STX8: variants seen among roughly 807,000 people sequenced by gnomAD.
The protein encoded by STX8 is syntaxin-8.
Under a neutral mutation model 37.5 loss-of-function variants are expected in STX8, and 23 were observed. The ratio of observed to expected loss-of-function variants is 0.61; its 90% CI spans 0.44 to 0.87. STX8 has a LOEUF of 0.87. STX8 is among the 40% of genes least tolerant of loss of function. The pLI is 0.00. For missense variants in STX8, 313 were observed against 284.7 expected, an observed-to-expected ratio of 1.10 and a Z score of -0.71; for synonymous variants, 115 against 99.1, an observed-to-expected ratio of 1.16 and a Z score of -0.95.
intron 4 of STX8, among the ~76,000 whole-genome samples, chr17:9,513,639 G>A (rs1905088444): frequency 6.6e-6 from 1 of 152,150 alleles, no homozygotes; most frequent in African/African-American, 2.4e-5. Flanking sequence ...TATAACTAGA[G>A]CTACCATATG....
intron 7 of STX8, among the ~76,000 whole-genome samples, chr17:9,254,750 A>G (rs1041954588): frequency 2.6e-5 from 4 of 152,152 alleles, no homozygotes; most frequent in South Asian, 2.1e-4. Flanking sequence ...ACACATGAAC[A>G]TCTACACCAG....
intron 7 of STX8, among the ~76,000 whole-genome samples, chr17:9,358,789 C>A (rs1212754939): frequency 6.6e-6 from 1 of 152,000 alleles, no homozygotes; most frequent in East Asian, 1.9e-4. Flanking sequence ...GGGAGGAAGA[C>A]TGGAACTGAG....
chr17:9,474,124 T>G (rs959134857), intron 6 of STX8, among the ~76,000 whole-genome samples: 1 of 152,124 alleles, frequency 6.6e-6, no homozygotes, highest in African/African-American at 2.4e-5. Flanking sequence ...ATCAGTGTGC[T>G]GGGGCAGGAG....
chr17:9,442,937 T>A (rs1245873690), intron 6 of STX8, among the ~76,000 whole-genome samples: 1 of 152,162 alleles, frequency 6.6e-6, no homozygotes, highest in Non-Finnish European at 1.5e-5. Flanking sequence ...ATGATAATGT[T>A]AATATGGCCT....
In STX8 at chr17:9,558,686, G is replaced by C. The variant is rs991820250; in HGVS notation, c.118-1158C>G. Among the ~76,000 whole-genome samples the C allele has an allele frequency of 2.0e-5, 3 of 152,196 alleles. No individual in the cohort carries two copies. The South Asian group carries it at 6.2e-4, about 31-fold the overall frequency. The stretch of plus-strand genomic sequence containing the variant: ...AAAATACAAAAAATTAGCTGGGCGC[G>C]GTGGCGGGCGCCTGTAGTCCCAGCT... On this transcript the variant is annotated intron_variant, in intron 2 of 7. Coordinates refer to ENST00000306357, the MANE Select transcript of STX8 (RefSeq NM_004853.3).
intron 4 of STX8, among the ~76,000 whole-genome samples, chr17:9,527,733 T>A (rs1433118312): frequency 6.6e-6 from 1 of 152,182 alleles, no homozygotes; most frequent in East Asian, 1.9e-4. Flanking sequence ...TAACGCCCAC[T>A]GACAGCTAAG....
At chr17:9,398,485 G>A (rs1912487024) in intron 6 of STX8, among the ~76,000 whole-genome samples, 1 of 152,128 alleles carries the variant, frequency 6.6e-6, no homozygotes, top group African/African-American at 2.4e-5. Flanking sequence ...AGGAGATGGA[G>A]CAACTAAATA....
At chr17:9,458,172 T>G (rs557942102) in intron 6 of STX8, among the ~76,000 whole-genome samples, 32 of 152,212 alleles carry the variant, frequency 2.1e-4, no homozygotes, top group Non-Finnish European at 3.2e-4. Flanking sequence ...TTTTTTGAGA[T>G]GGAGTCTCGC....
intron 6 of STX8, among the ~76,000 whole-genome samples, chr17:9,473,409 T>A (rs1483870915): frequency 6.6e-6 from 1 of 152,180 alleles, no homozygotes; most frequent in Non-Finnish European, 1.5e-5. Context: ...TCCCTTGGTA[T>A]CTTGCGGGAT....
At chr17:9,405,362 T>C (rs559882515) in intron 6 of STX8, among the ~76,000 whole-genome samples, 2 of 152,188 alleles carry the variant, frequency 1.3e-5, no homozygotes, top group African/African-American at 2.4e-5. Flanking sequence ...TGAATGGCCA[T>C]GGGCATTGTC....
chr17:9,338,422 C>T (rs564938815), intron 7 of STX8, among the ~76,000 whole-genome samples: 8 of 152,260 alleles, frequency 5.3e-5, no homozygotes, highest in South Asian at 2.1e-4. Context: ...TGCTTCAGCT[C>T]ATTCCACTCC....
intron 7 of STX8, among the ~76,000 whole-genome samples, chr17:9,278,388 G>A (rs145663030): frequency 6.6e-6 from 1 of 152,204 alleles, no homozygotes; most frequent in Non-Finnish European, 1.5e-5. Flanking sequence ...GGCGGAGGTT[G>A]CGATGAGCTG....
intron 6 of STX8, among the ~76,000 whole-genome samples, chr17:9,452,877 G>A (rs1172348961): frequency 1.3e-5 from 2 of 151,686 alleles, no homozygotes; most frequent in African/African-American, 4.8e-5. Flanking sequence ...CGTGATCTCG[G>A]CTCACTGCAA....
At chr17:9,375,412 A>G (rs1911548036) in intron 7 of STX8, among the ~76,000 whole-genome samples, 1 of 152,202 alleles carries the variant, frequency 6.6e-6, no homozygotes, top group South Asian at 2.1e-4. Context: ...CAGTGTAAGA[A>G]ATATTCCACA....
At chr17:9,519,667 G>A (rs964110282) in intron 4 of STX8, among the ~76,000 whole-genome samples, 2 of 151,996 alleles carry the variant, frequency 1.3e-5, no homozygotes, top group Admixed American at 6.6e-5. Context: ...ACATGGCTAC[G>A]ATCTCTCTAC....
intron 4 of STX8, among the ~76,000 whole-genome samples, chr17:9,532,881 A>G (rs910157735): frequency 1.3e-5 from 2 of 152,202 alleles, no homozygotes; most frequent in Non-Finnish European, 2.9e-5. Flanking sequence ...ATCGTCTTCA[A>G]TATATACTGT....
chr17:9,442,496 T>C (rs1289733800), intron 6 of STX8, among the ~76,000 whole-genome samples: 1 of 152,214 alleles, frequency 6.6e-6, no homozygotes, highest in East Asian at 1.9e-4. Flanking sequence ...AACCTCCGCC[T>C]CCTGGGTTCC....
chr17:9,557,652 C>A (rs901095627), intron 2 of STX8, 124 bp from the exon 3 acceptor site: 4 of 781,350 alleles, frequency 5.1e-6, no homozygotes, highest in Non-Finnish European at 8.4e-6. Flanking sequence ...GAGATAGATA[C>A]TCAGCCCCTC....
intron 4 of STX8, among the ~76,000 whole-genome samples, chr17:9,541,469 C>A (rs1297253934): frequency 6.6e-6 from 1 of 152,166 alleles, no homozygotes; most frequent in Non-Finnish European, 1.5e-5. Context: ...CCAGTAATAA[C>A]ATCTTGTATT....
Sources: allele counts gnomAD v4.1 joint callset (sites outside exome capture counted in the v4.1 genomes callset), GRCh38; gene constraint gnomAD v4.1.1; transcripts MANE v1.5; gene names NCBI Gene and HGNC (gene_info 2026-07-23, HGNC 2026-07-21).